ACRV1: variants seen among roughly 807,000 people sequenced by gnomAD.
ACRV1 encodes the protein acrosomal protein SP-10.
In ACRV1, 17 loss-of-function variants were observed where a neutral mutation model predicts 29.2. The ratio of observed to expected loss-of-function variants is 0.58; its 90% confidence interval spans 0.40 to 0.87. The LOEUF (loss-of-function observed/expected upper bound fraction) is 0.87, where lower values mean the gene tolerates loss of function less well. Ranked by LOEUF, ACRV1 falls within the 40% of genes least tolerant of loss-of-function variation. The pLI, the probability that ACRV1 is intolerant of heterozygous loss-of-function variation, is 0.00. For missense variants in ACRV1, 294 were observed against 316.0 expected (o/e 0.93, Z 0.53); for synonymous variants, 98 against 111.6 (o/e 0.88, Z 0.77).
At chr11:125,679,288 G>A (rs1220941135) in intron 1 of ACRV1, among the ~76,000 whole-genome samples, 2 of 147,314 alleles carry the variant, frequency 1.4e-5, no homozygotes, top group African/African-American at 5.0e-5. Context: ...CACAATCTTG[G>A]CTCACTGCAA....
At chr11:125,675,741 C>T (rs554765406) in intron 3 of ACRV1, among the ~76,000 whole-genome samples, 3 of 152,166 alleles carry the variant, frequency 2.0e-5, no homozygotes, top group Admixed American at 2.0e-4. Context: ...GAATATATAG[C>T]TATAGCTTAC....
chr11:125,674,764 G>A (rs757262696), intron 3 of ACRV1, among the ~76,000 whole-genome samples: 1 of 152,134 alleles, frequency 6.6e-6, no homozygotes, highest in Admixed American at 6.5e-5. Context: ...ATGATAAAGG[G>A]TATTTTAAAA....
chr11:125,677,728 G>T lies in ACRV1; in HGVS notation c.553+69C>A, dbSNP rs930010512. On this transcript the variant is annotated intron_variant, in intron 2 of 3. Transcript: ENST00000533904. Reference sequence around the variant, plus strand: ...CTTCTGCACTCCTTCCCTAAAATTGGGTTTTCTTGATGTGTTCCCCATTTC... The same window carrying T: ...CTTCTGCACTCCTTCCCTAAAATTGTGTTTTCTTGATGTGTTCCCCATTTC... 5.7e-6 allele frequency: 9 copies of T among 1,582,652 alleles called. No homozygotes were observed. In the African/African-American group the frequency reaches 1.1e-4, roughly 19 times the overall value.
At chr11:125,680,294 G>A (rs1220824447) in intron 1 of ACRV1, among the ~76,000 whole-genome samples, 4 of 152,188 alleles carry the variant, frequency 2.6e-5, no homozygotes, top group Non-Finnish European at 4.4e-5. Flanking sequence ...GGCTTATGAA[G>A]TCTCTGGCCT....
intron 3 of ACRV1, 113 bp downstream of exon 3, chr11:125,676,246 G>C: frequency 7.4e-7 from 1 of 1,357,824 alleles, no homozygotes; most frequent in Non-Finnish European, 1.0e-6. Flanking sequence ...ATAAAGTTCT[G>C]AATCTTCAAG....
chr11:125,677,748 C>A, intron 2 of ACRV1, 49 bp downstream of exon 2: 2 of 1,603,168 alleles, frequency 1.2e-6, no homozygotes, highest in South Asian at 2.2e-5. Context: ...ATGTGTTCCC[C>A]ATTTCCCACC....
At chr11:125,678,571 C>T (rs569712146) in intron 1 of ACRV1, among the ~76,000 whole-genome samples, 1 of 152,066 alleles carries the variant, frequency 6.6e-6, no homozygotes, top group South Asian at 2.1e-4. Flanking sequence ...TAGGAGAATC[C>T]ACTCATCCAT....
At chr11:125,679,216 C>CT (rs71045115) in intron 1 of ACRV1, among the ~76,000 whole-genome samples, 2,386 of 121,044 alleles carry the variant, frequency 0.02, 85 homozygotes, top group Non-Finnish European at 0.026. Flanking sequence ...CCGTCTCTTT[C>CT]TTTTTTTTTT....
In ACRV1 at chr11:125,677,975, G is replaced by A. The variant is rs777369541; in HGVS notation, c.375C>T (p.Ser125=). 41 of 1,612,258 alleles carry A rather than the reference G, an allele frequency of 2.5e-5. No homozygotes were observed. The highest frequency in any genetic ancestry group is 3.0e-5 in the Non-Finnish European group (35 of 1,178,746). The change falls in exon 2 of 4, where the codon TCC becomes TCT. Residue 125 remains serine, a synonymous_variant. Transcript: ENST00000533904. ...CAAGCTCACTCAAAGGCTGTTCTCC[G>A]GAGAGGTGTTCACCTGAAGGCTGTT... The part of the protein sequence containing the change: ...SGEQPSGEHL[S]GEQPLSELES...
chr11:125,679,167 A>T (rs1364015542), intron 1 of ACRV1, among the ~76,000 whole-genome samples: 1 of 142,220 alleles, frequency 7.0e-6, no homozygotes, highest in African/African-American at 2.6e-5. Context: ...AAACTCTTAC[A>T]TGGTTATTTT....
At chr11:125,677,423 G>A (rs1228046980) in intron 2 of ACRV1, among the ~76,000 whole-genome samples, 1 of 152,160 alleles carries the variant, frequency 6.6e-6, no homozygotes, top group Non-Finnish European at 1.5e-5. Context: ...ATTCTAACAT[G>A]GTTTAAGAGG....
rs1421842528 is a variant in ACRV1, at chr11:125,671,576, CTTG to C, written c.*1014_*1016del. On this transcript the variant is annotated 3_prime_UTR_variant, in exon 4 of 4. Transcript: ENST00000533904. The stretch of plus-strand genomic sequence containing the variant: ...ATTTTATATACAGTAAAATTGACTT[CTTG>C]TTGTACTGTTCTAAGAGTTCTTAGA... 2.0e-5 allele frequency: 3 copies of C among 152,088 alleles called. No homozygotes were observed. The highest frequency in any genetic ancestry group is 7.2e-5 in the African/African-American group (3 of 41,410). The allele number at this position is 152,088 out of a possible 1,614,324, so 9.4% of individuals were successfully genotyped here.
chr11:125,673,076 T>A (rs545137556), intron 3 of ACRV1, among the ~76,000 whole-genome samples: 73 of 152,238 alleles, frequency 4.8e-4, no homozygotes, highest in Admixed American at 7.8e-4. Context: ...ACAGTTTGAA[T>A]CATGACCCTA....
rs1942240806 is a variant in ACRV1, at chr11:125,672,516, A to G, written c.*77T>C. Reference sequence around the variant, plus strand: ...TGGTCAGTTGTTGACTGGGGAAGGAACTAAATATAAAATGAGCCAAATAGA... The same window carrying G: ...TGGTCAGTTGTTGACTGGGGAAGGAGCTAAATATAAAATGAGCCAAATAGA... On this transcript the variant is annotated 3_prime_UTR_variant, in exon 4 of 4. Coordinates refer to ENST00000533904, the MANE Select transcript of ACRV1 (RefSeq NM_001612.6). The G allele has an allele frequency of 6.4e-7, 1 of 1,560,582 alleles. No homozygotes were observed. The highest frequency in any genetic ancestry group is 2.2e-5 in the East Asian group (1 of 44,560).
chr11:125,676,166 C>T, intron 3 of ACRV1, 193 bp downstream of exon 3: 2 of 627,882 alleles, frequency 3.2e-6, no homozygotes, highest in Non-Finnish European at 5.2e-6. Context: ...CCTTGGCCTC[C>T]CAAAGTGCTG....
intron 1 of ACRV1, among the ~76,000 whole-genome samples, chr11:125,679,216 CT>C (rs71045115): frequency 0.081 from 9,749 of 120,952 alleles, 515 homozygotes; most frequent in Middle Eastern, 0.11. Context: ...CCGTCTCTTT[CT>C]TTTTTTTTTT....
intron 3 of ACRV1, among the ~76,000 whole-genome samples, chr11:125,675,227 C>T (rs1347006660): frequency 6.6e-6 from 1 of 152,198 alleles, no homozygotes; most frequent in Non-Finnish European, 1.5e-5. Flanking sequence ...TCCCTCAAAG[C>T]ATTTTCTGAA....
At position 125,672,677 on chromosome 11, in the gene ACRV1, C is replaced by T; in HGVS notation, c.714G>A (p.Met238Ile). 1 of 1,614,154 alleles carries T rather than the reference C, an allele frequency of 6.2e-7. No individual in the cohort carries two copies. Residue 238 changes from methionine to isoleucine, a missense_variant, in exon 4 of 4, where the codon ATG (methionine) becomes ATA (isoleucine). Met to Ile is a conservative substitution (Grantham distance 10). Coordinates refer to ENST00000533904, the MANE Select transcript of ACRV1 (RefSeq NM_001612.6). ...GGGAGAAGAGGTTCATAGATGGGCACATGTTCTCACACCCTTGAACCATGA... is the reference window on the plus strand; with the variant it reads ...GGGAGAAGAGGTTCATAGATGGGCATATGTTCTCACACCCTTGAACCATGA... ...LQFMVQGCEN[M>I]CPSMNLFSHG... is the part of the protein sequence containing the mutation.
In ACRV1 at chr11:125,672,626, G is replaced by A; in HGVS notation, c.765C>T (p.Cys255=). 6.2e-7 allele frequency: 1 copy of A among 1,614,098 alleles called. No homozygotes were observed. The highest frequency in any genetic ancestry group is 1.1e-5 in the South Asian group (1 of 91,072). The part of the protein sequence containing the change: ...FSHGTRMQII[C]CRNQSFCNKI ...TATTGCAGAAAGATTGATTTCGACA[G>A]CATATAATTTGCATCCTCGTTCCAT... The change falls in exon 4 of 4, where the codon TGC becomes TGT. Residue 255 remains cysteine, a synonymous_variant. Coordinates refer to ENST00000533904, the MANE Select transcript of ACRV1 (RefSeq NM_001612.6).
Sources: gnomAD v4.1 joint callset for allele counts (sites outside exome capture counted in the v4.1 genomes callset) on GRCh38, gnomAD v4.1.1 for gene constraint, MANE v1.5 for transcripts, NCBI Gene and HGNC (gene_info 2026-07-23, HGNC 2026-07-21) for gene names.